RFESD: variants seen among roughly 807,000 people sequenced by gnomAD.
RFESD encodes the protein Rieske domain-containing protein.
Under a neutral mutation model 24.4 loss-of-function variants are expected in RFESD, and 16 were observed. That is an observed-to-expected ratio of 0.66 (90% CI 0.44 to 1.00). RFESD has a LOEUF of 1.00. RFESD is among the 50% of genes least tolerant of loss of function. The pLI, the probability that RFESD is intolerant of heterozygous loss-of-function variation, is 0.00. For synonymous variants in RFESD, 59 were observed against 81.8 expected, an observed-to-expected ratio of 0.72 and a Z score of 1.50; for missense variants, 208 against 247.0, an observed-to-expected ratio of 0.84 and a Z score of 1.06.
In RFESD at chr5:95,654,105, ATTC is replaced by A. The variant is rs1432765689; in HGVS notation, c.208_210del (p.Ser70del). 5.0e-6 allele frequency: 8 copies of A among 1,611,790 alleles called. No individual in the cohort carries two copies. The highest frequency in any genetic ancestry group is 4.0e-5 in the African/African-American group (3 of 74,842). ...GCACAAGATCCTGAAAAGAGGGAATATTCTTCTGTGTGTGTGGGCAGAGAAGAT... is the reference window on the plus strand; with the variant it reads ...GCACAAGATCCTGAAAAGAGGGAATATTCTGTGTGTGTGGGCAGAGAAGAT... On this transcript the variant is annotated inframe_deletion, in exon 4 of 6. Coordinates refer to ENST00000380005, the MANE Select transcript of RFESD (RefSeq NM_001131066.2).
chr5:95,648,005 C>A (rs1233354062), intron 1 of RFESD: 1 of 152,174 alleles, frequency 6.6e-6, no homozygotes, highest in African/African-American at 2.4e-5. Flanking sequence ...GATAAGCATT[C>A]TGATAATGTG....
intron 1 of RFESD, among the ~76,000 whole-genome samples, chr5:95,649,448 T>C (rs1750225957): frequency 6.6e-6 from 1 of 152,226 alleles, no homozygotes; most frequent in Non-Finnish European, 1.5e-5. Context: ...TTTGCTGTTA[T>C]AACTATTCTT....
At chr5:95,649,010 A>G (rs961882277) in intron 1 of RFESD, among the ~76,000 whole-genome samples, 3 of 147,900 alleles carry the variant, frequency 2.0e-5, no homozygotes, top group Non-Finnish European at 4.4e-5. Flanking sequence ...TTCATGACCT[A>G]TGCACAGGCA....
Position 95,654,382 on chromosome 5 carries a change from A to AT in RFESD, c.369+18dup. The AT allele has an allele frequency of 6.5e-7, 1 of 1,546,108 alleles. No individual in the cohort carries two copies. The highest frequency in any genetic ancestry group is 8.8e-7 in the Non-Finnish European group (1 of 1,133,910). On this transcript the variant is annotated intron_variant, in intron 5 of 5. Coordinates refer to ENST00000380005, the MANE Select transcript of RFESD (RefSeq NM_001131066.2). ...GAGATATAGAGGTATGTAAAATTAA[A>AT]TTTATTTTCAGCAAATTCAGCAAAT...
At chr5:95,653,418 T>G (rs1255802751) in intron 3 of RFESD, among the ~76,000 whole-genome samples, 1 of 152,264 alleles carries the variant, frequency 6.6e-6, no homozygotes, top group Non-Finnish European at 1.5e-5. Context: ...TGTTGTTTAG[T>G]GTTGAATTTG....
chr5:95,654,465 T>G, intron 5 of RFESD, 98 bp downstream of exon 5: 1 of 815,080 alleles, frequency 1.2e-6, no homozygotes, highest in South Asian at 1.8e-5. Flanking sequence ...GCTTTGAATA[T>G]AATTCCAAGT....
intron 5 of RFESD, 63 bp from the exon 6 acceptor site, chr5:95,655,983 C>G (rs1307020944): frequency 9.3e-6 from 14 of 1,503,796 alleles, no homozygotes; most frequent in African/African-American, 2.8e-5. Flanking sequence ...GCAGCAGACT[C>G]TTCAGAGTCT....
At position 95,657,685 on chromosome 5, in the gene RFESD, T is replaced by C. The variant is rs772140708; in HGVS notation, c.*1376T>C. The C allele has an allele frequency of 2.0e-5, 3 of 152,138 alleles. No individual in the cohort carries two copies. Among genetic ancestry groups the C allele is most frequent in the Non-Finnish European group, 2.9e-5 (2 of 68,024 alleles). The allele number at this position is 152,138 out of a possible 1,614,324, so 9.4% of individuals were successfully genotyped here. ...TACTACATATTATTACACTTCCTTT[T>C]CTGTTGGAGTTTGGATAGCATGAGT... On this transcript the variant is annotated 3_prime_UTR_variant, in exon 6 of 6. Transcript: ENST00000380005.
intron 1 of RFESD, among the ~76,000 whole-genome samples, chr5:95,649,406 T>C (rs1224677767): frequency 1.3e-5 from 2 of 152,250 alleles, no homozygotes; most frequent in African/African-American, 4.8e-5. Context: ...TTTTCCATTC[T>C]ACTGTTGATG....
In RFESD at chr5:95,653,099, T is replaced by A; in HGVS notation, c.61-18T>A. On this transcript the variant is annotated intron_variant, in intron 2 of 5. Transcript: ENST00000380005. ...GACTTTTCTTTCCTTCAGGCTTTTG[T>A]ATTTGCTCTTCTTTCAGTATGGAAT... The A allele has an allele frequency of 6.4e-7, 1 of 1,551,380 alleles. No individual in the cohort carries two copies. Among genetic ancestry groups the A allele is most frequent in the Non-Finnish European group, 8.7e-7 (1 of 1,146,950 alleles).
intron 2 of RFESD, 171 bp downstream of exon 2, chr5:95,652,502 G>T (rs1298073845): frequency 1.2e-6 from 1 of 826,096 alleles, no homozygotes; most frequent in Admixed American, 3.5e-5. Context: ...TTTCCATTCT[G>T]CAAAAATACC....
intron 1 of RFESD, among the ~76,000 whole-genome samples, chr5:95,650,287 A>G (rs1312907965): frequency 6.6e-6 from 1 of 152,198 alleles, no homozygotes; most frequent in Non-Finnish European, 1.5e-5. Context: ...TGACATCCCT[A>G]TAATTTTCTA....
chr5:95,647,894 C>G (rs1561383857), intron 1 of RFESD: 1 of 152,066 alleles, frequency 6.6e-6, no homozygotes. Context: ...TAAAGGACAG[C>G]TAGTTTTATC....
At chr5:95,649,533 T>C (rs1750229680) in intron 1 of RFESD, among the ~76,000 whole-genome samples, 1 of 152,252 alleles carries the variant, frequency 6.6e-6, no homozygotes, top group Non-Finnish European at 1.5e-5. Flanking sequence ...ATGTTTAACT[T>C]TACTAGGTAA....
rs1016061955 is a variant in RFESD, at chr5:95,657,560, C to T, written c.*1251C>T. On this transcript the variant is annotated 3_prime_UTR_variant, in exon 6 of 6. Coordinates refer to ENST00000380005, the MANE Select transcript of RFESD (RefSeq NM_001131066.2). ...TAGAATTAAGAATCTAAATCTAATA[C>T]TTAACATTCTAAGGAGCCGACCTGG... The T allele has an allele frequency of 6.6e-6, 1 of 152,046 alleles. No individual in the cohort carries two copies. Among genetic ancestry groups the T allele is most frequent in the Non-Finnish European group, 1.5e-5 (1 of 67,990 alleles). 9.4% of individuals were successfully genotyped at this position (152,046 alleles called of 1,614,324 possible). A position where few individuals can be genotyped will look rare whatever the true frequency, so the allele number is the denominator to read the frequency against.
intron 1 of RFESD, among the ~76,000 whole-genome samples, chr5:95,648,989 C>T (rs985547): frequency 0.098 from 13,801 of 140,530 alleles, 786 homozygotes; most frequent in Middle Eastern, 0.24. Context: ...ACAAAATTCT[C>T]AAATAGTTAA....
rs1750867445 is a variant in RFESD at position 95,657,953 on chromosome 5, T to C, written c.*1644T>C. The C allele has an allele frequency of 6.6e-6, 1 of 152,172 alleles. No homozygotes were observed. Among genetic ancestry groups the C allele is most frequent in the Non-Finnish European group, 1.5e-5 (1 of 68,024 alleles). 9.4% of individuals were successfully genotyped at this position (152,172 alleles called of 1,614,324 possible). ...CTTCAGGCAAAAACTAGCCCTGGTT[T>C]GCAGGAATAATTACAGAAATATTTT... On this transcript the variant is annotated 3_prime_UTR_variant, in exon 6 of 6. Transcript: ENST00000380005.
intron 2 of RFESD, 51 bp from the exon 3 acceptor site, chr5:95,653,066 T>C: frequency 3.2e-6 from 5 of 1,547,944 alleles, no homozygotes; most frequent in Non-Finnish European, 4.4e-6. Context: ...CTGGAACACA[T>C]TCACCAAGAC....
At position 95,652,334 on chromosome 5, in the gene RFESD, G is replaced by A; in HGVS notation, c.60+3G>A. ...CCTTATCTACACTTCCTCTCCAAGT[G>A]AGTCCATAGAATTCTATGACCTGGA... is the stretch of plus-strand genomic sequence containing the variant. On this transcript the variant is annotated splice_donor_region_variant and intron_variant, in intron 2 of 5. Transcript: ENST00000380005. 1 of 1,550,432 alleles carries A rather than the reference G, an allele frequency of 6.4e-7. No individual in the cohort carries two copies.
Sources: allele counts gnomAD v4.1 joint callset (sites outside exome capture counted in the v4.1 genomes callset), GRCh38; gene constraint gnomAD v4.1.1; transcripts MANE v1.5; gene names NCBI Gene and HGNC (gene_info 2026-07-23, HGNC 2026-07-21).